The following RYK variants were observed in gnomAD, a reference collection of about 807,000 sequenced individuals.
RYK encodes receptor like tyrosine kinase.
In RYK, 21 loss-of-function variants were observed where a neutral mutation model predicts 70.2. The observed-to-expected ratio is 0.30, with a 90% CI of 0.21 to 0.43. The LOEUF (loss-of-function observed/expected upper bound fraction) is 0.43, where lower values mean the gene tolerates loss of function less well. Ranked by LOEUF, RYK falls within the 20% of genes least tolerant of loss-of-function variation. RYK has a pLI of 1.00. For synonymous variants in RYK, 267 were observed against 278.0 expected (o/e 0.96, Z 0.39); for missense variants, 604 against 753.3 (o/e 0.80, Z 2.32).
At chr3:134,212,449 A>G (rs1332361133) in intron 2 of RYK, among the ~76,000 whole-genome samples, 1 of 152,232 alleles carries the variant, frequency 6.6e-6, no homozygotes, top group African/African-American at 2.4e-5. Context: ...CAGGTTCTTG[A>G]TAACTATGGT....
intron 2 of RYK, among the ~76,000 whole-genome samples, chr3:134,213,688 C>T (rs111908918): frequency 8.6e-4 from 131 of 152,346 alleles, no homozygotes; most frequent in African/African-American, 3.0e-3. Flanking sequence ...TCATTCAGTT[C>T]CTACAACACC....
intron 2 of RYK, among the ~76,000 whole-genome samples, chr3:134,217,620 AGTAGGTG>A (rs1483221423): frequency 6.6e-6 from 1 of 152,216 alleles, no homozygotes; most frequent in African/African-American, 2.4e-5. Context: ...ACTGCAGAAA[AGTAGGTG>A]GTATGTTAGC....
At chr3:134,242,375 A>C (rs1384049488) in intron 1 of RYK, among the ~76,000 whole-genome samples, 4 of 152,142 alleles carry the variant, frequency 2.6e-5, no homozygotes, top group Admixed American at 2.0e-4. Flanking sequence ...AACACACAAA[A>C]AGAATCATTC....
At chr3:134,185,161 T>C (rs960228684) in intron 9 of RYK, among the ~76,000 whole-genome samples, 1 of 151,864 alleles carries the variant, frequency 6.6e-6, no homozygotes, top group African/African-American at 2.4e-5. Flanking sequence ...TAAATAATAA[T>C]TTATAAAGCT....
Position 134,157,197 on chromosome 3 carries a change from T to C in RYK, c.*956A>G, listed in dbSNP as rs2108135351. ...AAACAATTTTATACTTAAGCCAGCC[T>C]TGAAGATAAGCACAAAATTTACCAG... On this transcript the variant is annotated 3_prime_UTR_variant, in exon 15 of 15. Coordinates refer to ENST00000623711, the MANE Select transcript of RYK (RefSeq NM_002958.4). The C allele has an allele frequency of 6.5e-6, 1 of 152,796 alleles. No homozygotes were observed. Among genetic ancestry groups the C allele is most frequent in the South Asian group, 2.1e-4 (1 of 4,830 alleles). 9.5% of individuals were successfully genotyped at this position (152,796 alleles called of 1,614,324 possible).
intron 6 of RYK, among the ~76,000 whole-genome samples, chr3:134,200,490 G>A (rs535438218): frequency 3.3e-5 from 5 of 152,200 alleles, no homozygotes; most frequent in African/African-American, 1.2e-4. Context: ...CACTCACCGC[G>A]AGAGTCCGCG....
intron 1 of RYK, among the ~76,000 whole-genome samples, chr3:134,223,644 T>C (rs982855303): frequency 6.6e-6 from 1 of 151,506 alleles, no homozygotes; most frequent in Non-Finnish European, 1.5e-5. Context: ...GATTTCTCCA[T>C]GATCATCCAA....
At chr3:134,162,890 G>A (rs1355634708) in intron 13 of RYK, among the ~76,000 whole-genome samples, 1 of 152,162 alleles carries the variant, frequency 6.6e-6, no homozygotes, top group Non-Finnish European at 1.5e-5. Flanking sequence ...TTTGGAAGAA[G>A]AAACCATGGG....
intron 1 of RYK, among the ~76,000 whole-genome samples, chr3:134,241,417 TATC>T (rs1163956252): frequency 6.8e-6 from 1 of 148,142 alleles, no homozygotes; most frequent in Non-Finnish European, 1.5e-5. Context: ...CTTTTTATAA[TATC>T]ATATTTCATT....
chr3:134,179,960 G>A (rs1316089336), intron 10 of RYK: 2 of 152,136 alleles, frequency 1.3e-5, no homozygotes, highest in Non-Finnish European at 2.9e-5. Flanking sequence ...ACAAATGGCT[G>A]TTTTTCATTC....
intron 1 of RYK, among the ~76,000 whole-genome samples, chr3:134,241,589 G>A (rs919679407): frequency 6.6e-6 from 1 of 152,150 alleles, no homozygotes; most frequent in African/African-American, 2.4e-5. Flanking sequence ...CATTCAAAAC[G>A]TTAATTTACC....
chr3:134,187,513 T>C (rs2013502673), intron 9 of RYK, among the ~76,000 whole-genome samples: 1 of 152,164 alleles, frequency 6.6e-6, no homozygotes, highest in African/African-American at 2.4e-5. Context: ...ACATTTTTCT[T>C]TCTCTCTAGA....
intron 13 of RYK, among the ~76,000 whole-genome samples, chr3:134,165,338 T>C (rs1440220263): frequency 6.6e-6 from 1 of 152,254 alleles, no homozygotes; most frequent in Non-Finnish European, 1.5e-5. Flanking sequence ...CTTTTTTCTA[T>C]CTACTCTTTT....
At chr3:134,227,877 G>A (rs1362457407) in intron 1 of RYK, among the ~76,000 whole-genome samples, 2 of 152,154 alleles carry the variant, frequency 1.3e-5, no homozygotes, top group Non-Finnish European at 2.9e-5. Context: ...GTTTCACCAT[G>A]TTAGCCAGGA....
chr3:134,250,167 G>C (rs541389081), intron 1 of RYK, among the ~76,000 whole-genome samples: 2 of 152,214 alleles, frequency 1.3e-5, no homozygotes, highest in East Asian at 3.9e-4. Context: ...GAGGAGGATG[G>C]GATGGGGTGA....
chr3:134,202,537 C>T (rs2014058733), intron 6 of RYK, 193 bp downstream of exon 6: 2 of 518,006 alleles, frequency 3.9e-6, no homozygotes, highest in South Asian at 3.1e-5. Context: ...TTTCTGACTT[C>T]TTAATTTTTA....
chr3:134,193,593 T>C (rs1292239911), intron 7 of RYK, among the ~76,000 whole-genome samples: 1 of 152,244 alleles, frequency 6.6e-6, no homozygotes, highest in Non-Finnish European at 1.5e-5. Flanking sequence ...GATTGATATT[T>C]AAACATTAAA....
chr3:134,177,920 AT>A lies in RYK; in HGVS notation c.1305+20del. ...CAGAAACTACTGGTAAATAATTGGT[AT>A]TTGGGCAAATTTTTCTCACCTGTGG... On this transcript the variant is annotated intron_variant, in intron 11 of 14. Coordinates refer to ENST00000623711, the MANE Select transcript of RYK (RefSeq NM_002958.4). The A allele has an allele frequency of 6.3e-7, 1 of 1,597,764 alleles. No individual in the cohort carries two copies.
chr3:134,219,305 A>G (rs2014660287), intron 2 of RYK, among the ~76,000 whole-genome samples: 1 of 152,154 alleles, frequency 6.6e-6, no homozygotes, highest in South Asian at 2.1e-4. Flanking sequence ...CAGGGCCCTG[A>G]GCTCATTCCA....
Sources: gnomAD v4.1 joint callset for allele counts (sites outside exome capture counted in the v4.1 genomes callset) on GRCh38, gnomAD v4.1.1 for gene constraint, MANE v1.5 for transcripts, NCBI Gene and HGNC (gene_info 2026-07-23, HGNC 2026-07-21) for gene names.